Variants in ATAD2B observed in about 807,000 individuals in gnomAD.
ATAD2B encodes the protein ATPase family AAA domain-containing protein 2B.
Under a neutral mutation model 167.6 loss-of-function variants are expected in ATAD2B, and 40 were observed. That is an observed-to-expected ratio of 0.24 (90% confidence interval 0.19 to 0.31). The LOEUF (loss-of-function observed/expected upper bound fraction) is 0.31, where lower values mean the gene tolerates loss of function less well. Ranked by LOEUF, ATAD2B falls within the 10% of genes least tolerant of loss-of-function variation. The pLI is 1.00. For synonymous variants in ATAD2B, 579 were observed against 596.5 expected (o/e 0.97, Z 0.43); for missense variants, 1,242 against 1,757.2 (o/e 0.71, Z 5.24).
intron 17 of ATAD2B, among the ~76,000 whole-genome samples, chr2:23,816,779 G>A (rs1042011769): frequency 2.0e-5 from 3 of 152,028 alleles, no homozygotes; most frequent in Admixed American, 1.3e-4. Context: ...TCTGTTTCTA[G>A]TCACCCTTAT....
chr2:23,707,299 G>A, the ATAD2B span: 1 of 152,162 alleles, frequency 6.6e-6, no homozygotes, highest in South Asian at 2.1e-4. Context: ...TTTTTCTACT[G>A]TGTTTTTGCT....
chr2:23,736,989 TG>T, the ATAD2B span, among the ~76,000 whole-genome samples: 14 of 152,182 alleles, frequency 9.2e-5, no homozygotes, highest in Admixed American at 1.3e-4. Flanking sequence ...GCAGCGAGGC[TG>T]GGGGAGGGGC....
chr2:23,801,921 T>A (rs1474608100), intron 18 of ATAD2B, among the ~76,000 whole-genome samples: 1 of 152,032 alleles, frequency 6.6e-6, no homozygotes. Context: ...GTTCCATCCA[T>A]GAAAATCTAG....
chr2:23,704,844 T>G, the ATAD2B span, among the ~76,000 whole-genome samples: 6 of 152,246 alleles, frequency 3.9e-5, no homozygotes, highest in East Asian at 1.2e-3. Context: ...CTTGTGCCTA[T>G]GTAGAGGTAA....
At chr2:23,859,421 G>A (rs765817213) in intron 12 of ATAD2B, among the ~76,000 whole-genome samples, 4 of 151,850 alleles carry the variant, frequency 2.6e-5, no homozygotes, top group Non-Finnish European at 5.9e-5. Flanking sequence ...CAATTCTCCC[G>A]CCTCAGCCAC....
intron 1 of ATAD2B, among the ~76,000 whole-genome samples, chr2:23,909,187 G>A (rs1042272372): frequency 2.7e-5 from 4 of 150,158 alleles, no homozygotes; most frequent in South Asian, 2.1e-4. Context: ...GGAAAAAAAA[G>A]AAATATTAGC....
chr2:23,740,342 G>C, the ATAD2B span, among the ~76,000 whole-genome samples: 1 of 152,042 alleles, frequency 6.6e-6, no homozygotes, highest in African/African-American at 2.4e-5. Context: ...ACATCAAAAA[G>C]CTTATCCACC....
At chr2:23,808,485 T>C (rs1403982462) in intron 18 of ATAD2B, among the ~76,000 whole-genome samples, 1 of 151,990 alleles carries the variant, frequency 6.6e-6, no homozygotes, top group Non-Finnish European at 1.5e-5. Flanking sequence ...TTTCTGCTAA[T>C]TCCTACGTAA....
intron 1 of ATAD2B, among the ~76,000 whole-genome samples, chr2:23,904,832 T>A (rs1701288490): frequency 6.6e-6 from 1 of 152,178 alleles, no homozygotes; most frequent in African/African-American, 2.4e-5. Flanking sequence ...GTCAATTTCT[T>A]TTTCTTTCAT....
intron 4 of ATAD2B, among the ~76,000 whole-genome samples, chr2:23,887,099 C>T (rs898872929): frequency 2.0e-5 from 3 of 152,048 alleles, no homozygotes; most frequent in African/African-American, 7.2e-5. Context: ...CCCGTCTTTA[C>T]TAAAAATACA....
rs1214142925 is a variant in ATAD2B at position 23,926,685 on chromosome 2, G to A, written c.86C>T (p.Pro29Leu). 1 of 1,553,644 alleles carries A rather than the reference G, an allele frequency of 6.4e-7. No homozygotes were observed. Among genetic ancestry groups the A allele is most frequent in the East Asian group, 2.4e-5 (1 of 41,218 alleles). Reference sequence around the variant, plus strand: ...ATGGCTGCTGCCTCCGGTCGCCCCAGGCTCTGCTCCGGCCCCAGGCCCAGG... The same window carrying A: ...ATGGCTGCTGCCTCCGGTCGCCCCAAGCTCTGCTCCGGCCCCAGGCCCAGG... ...PGPGPGAGAEPGATGGSSHFI... is the reference protein window; with the variant it reads ...PGPGPGAGAELGATGGSSHFI... Residue 29 changes from proline to leucine, a missense_variant, in exon 1 of 28, where the codon CCT becomes CTT. Transcript: ENST00000238789.
At chr2:23,711,328 C>T in the ATAD2B span, among the ~76,000 whole-genome samples, 1 of 138,048 alleles carries the variant, frequency 7.2e-6, no homozygotes, top group Non-Finnish European at 1.5e-5. Context: ...GTAATCTTTC[C>T]ACAGAATTTC....
rs912952187 is a variant in ATAD2B, at chr2:23,748,997, T to C, written c.*3049A>G. 4 of 152,016 alleles carry C rather than the reference T, an allele frequency of 2.6e-5. No individual in the cohort carries two copies. Among genetic ancestry groups the C allele is most frequent in the Non-Finnish European group, 5.9e-5 (4 of 67,970 alleles). 9.4% of individuals were successfully genotyped at this position (152,016 alleles called of 1,614,324 possible). On this transcript the variant is annotated 3_prime_UTR_variant, in exon 28 of 28. Coordinates refer to ENST00000238789, the MANE Select transcript of ATAD2B (RefSeq NM_017552.4). ...ACAATGTGATTACAAATAATAATTA[T>C]AATAACAATGGCATTCAGCTACGGG... is the stretch of plus-strand genomic sequence containing the variant.
chr2:23,740,737 G>A, the ATAD2B span, among the ~76,000 whole-genome samples: 18 of 152,184 alleles, frequency 1.2e-4, no homozygotes, highest in Non-Finnish European at 2.2e-4. Context: ...AAGGGCATTC[G>A]ATTAGGAAAA....
chr2:23,732,716 C>G, the ATAD2B span, among the ~76,000 whole-genome samples: 1 of 152,194 alleles, frequency 6.6e-6, no homozygotes, highest in Non-Finnish European at 1.5e-5. Flanking sequence ...CCCCCAGTTT[C>G]TGATCTGCTG....
At chr2:23,721,468 C>A in the ATAD2B span, among the ~76,000 whole-genome samples, 1 of 152,112 alleles carries the variant, frequency 6.6e-6, no homozygotes, top group Non-Finnish European at 1.5e-5. Context: ...AAGAAACAGC[C>A]CAATGGGTCA....
At chr2:23,924,629 G>T (rs1009516298) in intron 1 of ATAD2B, among the ~76,000 whole-genome samples, 1 of 152,088 alleles carries the variant, frequency 6.6e-6, no homozygotes, top group Non-Finnish European at 1.5e-5. Flanking sequence ...TCCTAGAGCC[G>T]AACATAAATC....
chr2:23,695,316 G>C, the ATAD2B span, among the ~76,000 whole-genome samples: 8 of 152,138 alleles, frequency 5.3e-5, no homozygotes, highest in African/African-American at 1.7e-4. This position sits in a 1 kb window ranked among gnomAD's most constrained non-coding sequence, Gnocchi z 7.6. Flanking sequence ...TGCAGCAGGG[G>C]TCCACAGCCC....
At chr2:23,726,810 T>G in the ATAD2B span, among the ~76,000 whole-genome samples, 1 of 152,194 alleles carries the variant, frequency 6.6e-6, no homozygotes, top group East Asian at 1.9e-4. Flanking sequence ...GGGGAGTTTT[T>G]GTGTAATGAG....
Sources: gnomAD v4.1 joint callset for allele counts (sites outside exome capture counted in the v4.1 genomes callset) on GRCh38, gnomAD v4.1.1 for gene constraint, Gnocchi (gnomAD v3.1) non-coding constraint, MANE v1.5 for transcripts, NCBI Gene and HGNC (gene_info 2026-07-23, HGNC 2026-07-21) for gene names.